DYNLRB1: variants seen among roughly 807,000 people sequenced by gnomAD.
DYNLRB1 encodes ROBL/LC7-like 1.
A neutral mutation model predicts 13.5 loss-of-function variants in DYNLRB1; 6 were observed. That is an observed-to-expected ratio of 0.44 (90% CI 0.24 to 0.88). The LOEUF (loss-of-function observed/expected upper bound fraction) is 0.88, where lower values mean the gene tolerates loss of function less well. DYNLRB1 is among the 40% of genes least tolerant of loss of function. The pLI is 0.21. For synonymous variants in DYNLRB1, 43 were observed against 45.0 expected (o/e 0.96, Z 0.18); for missense variants, 93 against 127.2 (o/e 0.73, Z 1.29).
rs1248374534 is a variant in DYNLRB1, at chr20:34,528,331, A to AC, written c.79+1988_79+1989insC. Reference sequence around the variant, plus strand: ...CGTCTCAAAAAAAAAAAAAAAAAAAAAAAAAAAAAAAAACTACCCTACTGG... The same window carrying AC: ...CGTCTCAAAAAAAAAAAAAAAAAAAACAAAAAAAAAAAAACTACCCTACTGG... On this transcript the variant is annotated intron_variant, in intron 2 of 3. Transcript: ENST00000357156. 2.6e-4 allele frequency among the ~76,000 whole-genome samples: 10 copies of AC among 38,474 alleles called. 1 individual carries two copies. The highest frequency in any genetic ancestry group is 8.5e-4 in the Admixed American group (5 of 5,880). The allele number at this position is 38,474 out of a possible 152,430, so 25.2% of individuals were successfully genotyped here.
chr20:34,536,738 C>CT (rs1981173418), intron 3 of DYNLRB1, among the ~76,000 whole-genome samples: 1 of 139,420 alleles, frequency 7.2e-6, no homozygotes, highest in Admixed American at 7.5e-5. Context: ...GAGTGAGACT[C>CT]TGTCTCAAAA....
intron 3 of DYNLRB1, among the ~76,000 whole-genome samples, chr20:34,538,737 C>G (rs947711751): frequency 6.6e-6 from 1 of 152,234 alleles, no homozygotes; most frequent in Non-Finnish European, 1.5e-5. Flanking sequence ...TTCCCTGTTG[C>G]AACAGCCCAT....
intron 1 of DYNLRB1, 149 bp downstream of exon 1, chr20:34,516,610 G>T: frequency 6.6e-7 from 1 of 1,510,174 alleles, no homozygotes; most frequent in East Asian, 2.4e-5. Context: ...GCCGACTTGA[G>T]GGTGGAACCC....
Position 34,518,462 on chromosome 20 carries a change from C to G in DYNLRB1, c.3+2001C>G, listed in dbSNP as rs535489685. Among the ~76,000 whole-genome samples, 4 of 151,990 alleles carry G rather than the reference C, an allele frequency of 2.6e-5. No homozygotes were observed. The South Asian group carries it at 8.3e-4, about 31-fold the overall frequency. On this transcript the variant is annotated intron_variant, in intron 1 of 3. Transcript: ENST00000357156. ...AAATAAAATTCCCACTCTCCTAACC[C>G]CCAGTCTCAGTCTCTCCTCCTTTAG... is the stretch of plus-strand genomic sequence containing the variant.
At chr20:34,529,986 C>A in intron 2 of DYNLRB1, 1 of 1,310,008 alleles carries the variant, frequency 7.6e-7, no homozygotes, top group South Asian at 2.1e-5. Context: ...CTGTGATGGT[C>A]CAGGGAATCT....
intron 3 of DYNLRB1, among the ~76,000 whole-genome samples, chr20:34,537,985 C>CTTTTTTTTTTT (rs67763754): frequency 5.3e-5 from 5 of 94,876 alleles, no homozygotes; most frequent in Non-Finnish European, 9.9e-5. Context: ...CGTGAACAGG[C>CTTTTTTTTTTT]TTTTTTTTTT....
At chr20:34,537,689 C>G (rs988931734) in intron 3 of DYNLRB1, among the ~76,000 whole-genome samples, 1 of 152,176 alleles carries the variant, frequency 6.6e-6, no homozygotes, top group Non-Finnish European at 1.5e-5. Context: ...CGCTGAATTG[C>G]CTCAGGATGG....
In DYNLRB1 at chr20:34,540,576, T is replaced by G. The variant is rs745961170; in HGVS notation, c.248-5T>G. ...GTGATTTTTTTTCATTTTTCTCTTT[T>G]GCAGATAAAGACTATTTCCTGATTG... On this transcript the variant is annotated splice_region_variant and splice_polypyrimidine_tract_variant and intron_variant, in intron 3 of 3. Transcript: ENST00000357156. The G allele has an allele frequency of 1.2e-5, 20 of 1,613,100 alleles. No individual in the cohort carries two copies. In the East Asian group the frequency reaches 3.6e-4, roughly 29 times the overall value.
intron 1 of DYNLRB1, chr20:34,516,962 T>G (rs188459601): frequency 5.2e-6 from 7 of 1,337,284 alleles, no homozygotes; most frequent in Admixed American, 3.2e-5. Context: ...CAGGAAATAG[T>G]GGAGATGGAT....
At chr20:34,534,113 G>A (rs977031327) in intron 2 of DYNLRB1, among the ~76,000 whole-genome samples, 2 of 152,172 alleles carry the variant, frequency 1.3e-5, no homozygotes, top group African/African-American at 4.8e-5. Context: ...CTGGGCAACA[G>A]AGCAAGACTC....
chr20:34,529,526 C>G (rs550680952), intron 2 of DYNLRB1, among the ~76,000 whole-genome samples: 1 of 151,964 alleles, frequency 6.6e-6, no homozygotes, highest in Admixed American at 6.6e-5. Flanking sequence ...GTCAGGAGTT[C>G]GAGACCAGCC....
At chr20:34,537,140 G>A (rs771182670) in intron 3 of DYNLRB1, among the ~76,000 whole-genome samples, 7 of 151,824 alleles carry the variant, frequency 4.6e-5, no homozygotes, top group Non-Finnish European at 7.4e-5. Context: ...CCTTGTCAGT[G>A]GAGGAGGATG....
chr20:34,528,736 C>T (rs928825396), intron 2 of DYNLRB1, among the ~76,000 whole-genome samples: 4 of 152,080 alleles, frequency 2.6e-5, no homozygotes, highest in Non-Finnish European at 4.4e-5. Context: ...TTTGGGAGGC[C>T]ATGGCAGGAC....
chr20:34,535,568 G>C, intron 3 of DYNLRB1: 1 of 900,874 alleles, frequency 1.1e-6, no homozygotes. Flanking sequence ...CATGGACTGG[G>C]GTGGCAGGCA....
At chr20:34,529,245 G>A (rs376180929) in intron 2 of DYNLRB1, among the ~76,000 whole-genome samples, 52 of 152,168 alleles carry the variant, frequency 3.4e-4, no homozygotes, top group East Asian at 2.3e-3. Context: ...GCCCGGTTGC[G>A]GGGCCCCCCA....
chr20:34,535,202 G>A, intron 3 of DYNLRB1: 1 of 985,400 alleles, frequency 1.0e-6, no homozygotes, highest in Non-Finnish European at 1.2e-6. Context: ...AAGGCGGAGG[G>A]GCGGAAAGCC....
chr20:34,517,627 C>CTTTT (rs60155819), intron 1 of DYNLRB1, among the ~76,000 whole-genome samples: 5 of 120,408 alleles, frequency 4.2e-5, no homozygotes, highest in Admixed American at 9.1e-5. Context: ...TTCATTATTT[C>CTTTT]TTTTTTTTTT....
At chr20:34,536,547 C>T (rs1313527216) in intron 3 of DYNLRB1, 1 of 874,266 alleles carries the variant, frequency 1.1e-6, no homozygotes, top group Non-Finnish European at 1.4e-6. Flanking sequence ...GAGTTCAAGA[C>T]CAGCCTGACC....
Position 34,534,737 on chromosome 20 carries a change from G to A in DYNLRB1, c.189G>A (p.Gln63=), listed in dbSNP as rs755507474. 23 of 1,613,968 alleles carry A rather than the reference G, an allele frequency of 1.4e-5. No homozygotes were observed. In the Admixed American group the frequency reaches 3.8e-4, roughly 27 times the overall value. The change falls in exon 3 of 4, where the codon CAG becomes CAA. Residue 63 remains glutamine, a synonymous_variant. Transcript: ENST00000357156. ...ARSTVRDIDP[Q]NDLTFLRIRS... Reference sequence around the variant, plus strand: ...GCACCGTGCGTGACATCGACCCCCAGAACGATCTCACCTTCCTTCGAATTC... The same window carrying A: ...GCACCGTGCGTGACATCGACCCCCAAAACGATCTCACCTTCCTTCGAATTC...
Sources: gnomAD v4.1 joint callset for allele counts (sites outside exome capture counted in the v4.1 genomes callset) on GRCh38, gnomAD v4.1.1 for gene constraint, MANE v1.5 for transcripts, NCBI Gene and HGNC (gene_info 2026-07-23, HGNC 2026-07-21) for gene names.